Variants in IL5RA observed in about 807,000 individuals in gnomAD.
The protein encoded by IL5RA is interleukin 5 receptor subunit alpha, also known as interleukin-5 receptor subunit alpha.
Under a neutral mutation model 50.0 loss-of-function variants are expected in IL5RA, and 49 were observed. The observed-to-expected ratio is 0.98, with a 90% confidence interval of 0.78 to 1.24. The LOEUF (loss-of-function observed/expected upper bound fraction) is 1.24, where lower values mean the gene tolerates loss of function less well. Among genes scored for constraint, IL5RA ranks in the 50% most tolerant of loss-of-function variants. The pLI is 0.00. For missense variants in IL5RA, 600 were observed against 500.4 expected, an observed-to-expected ratio of 1.20 and a Z score of -1.90; for synonymous variants, 202 against 174.0, an observed-to-expected ratio of 1.16 and a Z score of -1.26.
chr3:3,106,442 T>C (rs544423436), intron 2 of IL5RA, among the ~76,000 whole-genome samples: 8 of 152,282 alleles, frequency 5.3e-5, no homozygotes, highest in African/African-American at 1.9e-4. Flanking sequence ...GATCGGCATA[T>C]AAATCACTCA....
chr3:3,073,027 C>A (rs1702353489), intron 11 of IL5RA, among the ~76,000 whole-genome samples: 1 of 152,138 alleles, frequency 6.6e-6, no homozygotes, highest in African/African-American at 2.4e-5. Flanking sequence ...ACTCTTCTTC[C>A]CAAAGAACTC....
At chr3:3,084,018 C>G (rs1032065261) in intron 9 of IL5RA, among the ~76,000 whole-genome samples, 1 of 149,642 alleles carries the variant, frequency 6.7e-6, no homozygotes, top group Admixed American at 6.7e-5. Flanking sequence ...TGTGACTGCC[C>G]TCCAGCCTGG....
chr3:3,090,327 T>G (rs1703033946), intron 9 of IL5RA: 4 of 1,127,822 alleles, frequency 3.5e-6, no homozygotes, highest in Non-Finnish European at 3.9e-6. Flanking sequence ...ATGTTAAACC[T>G]GGGCTTTCTA....
rs1703190565 is a variant in IL5RA, at chr3:3,092,893, C to T, written c.856-531G>A. ...TGAATACCCCCGGAGGTGTTTCTCC[C>T]TTTTTTACTCCAGCCCTGTGACCAT... On this transcript the variant is annotated intron_variant, in intron 8 of 11. Transcript: ENST00000446632. This position sits in a 1 kb window ranked among gnomAD's most constrained non-coding sequence, Gnocchi z 4.2. Among the ~76,000 whole-genome samples, 1 of 152,094 alleles carries T rather than the reference C, an allele frequency of 6.6e-6. No individual in the cohort carries two copies. The highest frequency in any genetic ancestry group is 1.9e-4 in the East Asian group (1 of 5,196).
chr3:3,091,886 ATC>A lies in IL5RA; in HGVS notation c.994+336_994+337del, dbSNP rs1703127213. ...GAAAACTGGATGAAAGAGACACAGG[ATC>A]TCTATTATTTCTTCCCACAGCTTGT... On this transcript the variant is annotated intron_variant, in intron 9 of 11. Transcript: ENST00000446632. 9.5e-6 allele frequency: 6 copies of A among 630,042 alleles called. No homozygotes were observed. In the Admixed American group the frequency reaches 2.2e-4, roughly 23 times the overall value. 39.0% of individuals were successfully genotyped at this position (630,042 alleles called of 1,614,324 possible). A position where few individuals can be genotyped will look rare whatever the true frequency, so the allele number is the denominator to read the frequency against.
chr3:3,095,030 A>G (rs1360211879), intron 8 of IL5RA, among the ~76,000 whole-genome samples: 1 of 152,114 alleles, frequency 6.6e-6, no homozygotes, highest in East Asian at 1.9e-4. Flanking sequence ...CCCGTCTATC[A>G]TTTTAGATTT....
rs1354979527 is a variant in IL5RA, at chr3:3,067,023, A to G, written c.*3202T>C. The G allele has an allele frequency of 1.3e-5, 2 of 152,246 alleles. No homozygotes were observed. The highest frequency in any genetic ancestry group is 2.9e-5 in the Non-Finnish European group (2 of 68,056). The allele number at this position is 152,246 out of a possible 1,614,324, so 9.4% of individuals were successfully genotyped here. On this transcript the variant is annotated 3_prime_UTR_variant, in exon 12 of 12. Coordinates refer to ENST00000446632, the MANE Select transcript of IL5RA (RefSeq NM_175726.4). ...GAGAGATGGCAAGAGATGGGAGCCA[A>G]TATCATGACTTTACCTTACATCAAC...
Position 3,097,870 on chromosome 3 carries a change from C to T in IL5RA, c.709G>A (p.Asp237Asn). ...CAGCTTTGGGTTAAGTCGGTCTTAC[C>T]AATGGCGTGAAGGGCAAACAGCTGA... ...FDQLFALHAI[D>N]QINPPLNVTA... Residue 237 changes from aspartate to asparagine, a missense_variant and splice_region_variant, in exon 7 of 12, where the codon GAT becomes AAT. Transcript: ENST00000446632. 6.2e-7 allele frequency: 1 copy of T among 1,611,780 alleles called. No individual in the cohort carries two copies. Among genetic ancestry groups the T allele is most frequent in the South Asian group, 1.1e-5 (1 of 90,900 alleles).
In IL5RA at chr3:3,068,310, G is replaced by A; in HGVS notation, c.*1915C>T. On this transcript the variant is annotated 3_prime_UTR_variant, in exon 12 of 12. Transcript: ENST00000446632. ...TTCCTGGCCAGGAATGGTGGTTCAT[G>A]CCTGTAATCCCAGTACTTTGGAAGG... 1 of 152,330 alleles carries A rather than the reference G, an allele frequency of 6.6e-6. No homozygotes were observed. The highest frequency in any genetic ancestry group is 1.5e-5 in the Non-Finnish European group (1 of 68,116). 9.4% of individuals were successfully genotyped at this position (152,330 alleles called of 1,614,324 possible).
At chr3:3,099,732 T>G (rs558152111) in intron 5 of IL5RA, among the ~76,000 whole-genome samples, 1 of 151,658 alleles carries the variant, frequency 6.6e-6, no homozygotes, top group Non-Finnish European at 1.5e-5. Context: ...TGCAGTGGCA[T>G]GATCTCAGCT....
chr3:3,101,282 T>C (rs1360847716), intron 5 of IL5RA, among the ~76,000 whole-genome samples: 2 of 151,934 alleles, frequency 1.3e-5, no homozygotes, highest in South Asian at 2.1e-4. Flanking sequence ...TATGACAAAA[T>C]AGTCGTTTGA....
In IL5RA at chr3:3,098,151, A is replaced by T; in HGVS notation, c.507T>A (p.Tyr169Ter). The change falls in exon 6 of 12, where the codon TAT becomes TAA. Residue 169 changes from tyrosine to a stop codon, truncating the protein, a stop_gained. Transcript: ENST00000446632. LOFTEE classifies it high-confidence loss of function. ...ACAGTACTAACCTATAGTAGAGAAAATACTGCGTGTCCTCAGGGGCATCTG... is the reference window on the plus strand; with the variant it reads ...ACAGTACTAACCTATAGTAGAGAAATTACTGCGTGTCCTCAGGGGCATCTG... ...VGTDAPEDTQ[Y>*]FLYYRYGSWT... The T allele has an allele frequency of 6.2e-7, 1 of 1,614,150 alleles. No homozygotes were observed.
intron 7 of IL5RA, among the ~76,000 whole-genome samples, chr3:3,096,361 T>C (rs138018934): frequency 0.012 from 1,879 of 152,062 alleles, 19 homozygotes; most frequent in Non-Finnish European, 0.02. Flanking sequence ...GTCCTTTCCC[T>C]TGAGATCTCA....
chr3:3,090,265 CAGAG>C (rs781219172), intron 9 of IL5RA: 9 of 1,571,388 alleles, frequency 5.7e-6, no homozygotes, highest in African/African-American at 2.7e-5. Context: ...CCCTAGGAAA[CAGAG>C]AGAAATTATT....
At chr3:3,107,815 T>TA (rs766543221) in intron 2 of IL5RA, among the ~76,000 whole-genome samples, 11 of 152,192 alleles carry the variant, frequency 7.2e-5, no homozygotes, top group Non-Finnish European at 1.3e-4. Context: ...TCCTTCCCTA[T>TA]AGGTGTTTCT....
At chr3:3,103,658 T>C (rs1456389644) in intron 3 of IL5RA, among the ~76,000 whole-genome samples, 2 of 152,248 alleles carry the variant, frequency 1.3e-5, no homozygotes, top group African/African-American at 4.8e-5. Context: ...ATTAAAGCTT[T>C]TGTTTAATTA....
At position 3,104,993 on chromosome 3, in the gene IL5RA, G is replaced by GAAAAC; in HGVS notation, c.-3-11_-3-7dup. Reference sequence around the variant, plus strand: ...TGCGCCACGATGATCATATCCTACAGAAAACAAGGGAGATACCAAAATCAT... The same window carrying GAAAAC: ...TGCGCCACGATGATCATATCCTACAGAAAACAAAACAAGGGAGATACCAAAATCAT... On this transcript the variant is annotated splice_region_variant and splice_polypyrimidine_tract_variant and intron_variant, in intron 2 of 11. Coordinates refer to ENST00000446632, the MANE Select transcript of IL5RA (RefSeq NM_175726.4). The GAAAAC allele has an allele frequency of 6.3e-7, 1 of 1,580,536 alleles. No individual in the cohort carries two copies. Among genetic ancestry groups the GAAAAC allele is most frequent in the Non-Finnish European group, 8.7e-7 (1 of 1,154,326 alleles).
At chr3:3,081,301 A>G (rs1702657575) in intron 9 of IL5RA, among the ~76,000 whole-genome samples, 1 of 152,140 alleles carries the variant, frequency 6.6e-6, no homozygotes, top group African/African-American at 2.4e-5. Context: ...TTCCCAGTCG[A>G]TTTCCTGAGT....
At chr3:3,078,711 G>A (rs1702566635) in intron 9 of IL5RA, among the ~76,000 whole-genome samples, 6 of 152,098 alleles carry the variant, frequency 3.9e-5, no homozygotes, top group Admixed American at 3.9e-4. Context: ...GCTCATGCTT[G>A]TAGTCCCAGC....
Sources: allele counts gnomAD v4.1 joint callset (sites outside exome capture counted in the v4.1 genomes callset), GRCh38; gene constraint gnomAD v4.1.1; non-coding constraint Gnocchi (gnomAD v3.1); transcripts MANE v1.5; gene names NCBI Gene and HGNC (gene_info 2026-07-23, HGNC 2026-07-21).